Variants in CCR3 observed in about 807,000 individuals in gnomAD.
The protein encoded by CCR3 is C-C chemokine receptor type 3.
For synonymous variants in CCR3, 203 were observed against 179.2 expected, an observed-to-expected ratio of 1.13 and a Z score of -1.06; for missense variants, 419 against 437.5, an observed-to-expected ratio of 0.96 and a Z score of 0.38.
chr3:46,245,315 T>C (rs576983084), intron 1 of CCR3, among the ~76,000 whole-genome samples: 1 of 150,356 alleles, frequency 6.7e-6, no homozygotes, highest in South Asian at 2.1e-4. Context: ...CAGAAAGTTC[T>C]TCCCCATGTG....
At chr3:46,246,343 TG>T (rs1359554038) in intron 1 of CCR3, among the ~76,000 whole-genome samples, 3 of 152,124 alleles carry the variant, frequency 2.0e-5, no homozygotes, top group Non-Finnish European at 2.9e-5. Flanking sequence ...TTATTTCACC[TG>T]GGTGCAGGCG....
intron 2 of CCR3, among the ~76,000 whole-genome samples, chr3:46,231,771 TG>T (rs1699968741): frequency 1.3e-5 from 2 of 152,228 alleles, no homozygotes; most frequent in African/African-American, 4.8e-5. Context: ...CACAGCTTTT[TG>T]TATATTATAC....
intron 2 of CCR3, among the ~76,000 whole-genome samples, chr3:46,220,541 G>T (rs530733889): frequency 2.6e-5 from 4 of 152,150 alleles, no homozygotes; most frequent in African/African-American, 7.2e-5. Context: ...AATGAAAAAG[G>T]CACCTGCACA....
chr3:46,252,662 A>G (rs1191766772), intron 1 of CCR3, among the ~76,000 whole-genome samples: 3 of 152,182 alleles, frequency 2.0e-5, no homozygotes, highest in East Asian at 1.9e-4. Context: ...AGCAAGTTGA[A>G]TATCTAGATG....
At chr3:46,218,624 T>G (rs1037508400) in intron 2 of CCR3, among the ~76,000 whole-genome samples, 1 of 152,158 alleles carries the variant, frequency 6.6e-6, no homozygotes, top group Non-Finnish European at 1.5e-5. Context: ...AAAAAGGTAA[T>G]GCACCATAAT....
intron 1 of CCR3, chr3:46,264,412 T>C (rs1258917691): frequency 1.3e-6 from 2 of 1,534,146 alleles, no homozygotes; most frequent in East Asian, 2.5e-5. Context: ...TTATGCCATT[T>C]GGAATAAGAA....
At chr3:46,231,400 G>A (rs1699965079) in intron 2 of CCR3, among the ~76,000 whole-genome samples, 1 of 152,226 alleles carries the variant, frequency 6.6e-6, no homozygotes, top group African/African-American at 2.4e-5. Flanking sequence ...GAACAAAGCA[G>A]AGATTACATC....
At chr3:46,257,013 C>T (rs1700440571) in intron 1 of CCR3, among the ~76,000 whole-genome samples, 1 of 129,644 alleles carries the variant, frequency 7.7e-6, no homozygotes, top group Non-Finnish European at 1.6e-5. Flanking sequence ...CTTCAGGAGT[C>T]AAATTTGCAA....
At chr3:46,237,342 T>G (rs887075675) in intron 2 of CCR3, among the ~76,000 whole-genome samples, 2 of 152,238 alleles carry the variant, frequency 1.3e-5, no homozygotes, top group Admixed American at 1.3e-4. Flanking sequence ...TGGATATTAG[T>G]ACTTGGGTGA....
At chr3:46,231,690 A>G (rs1055227834) in intron 2 of CCR3, among the ~76,000 whole-genome samples, 1 of 152,206 alleles carries the variant, frequency 6.6e-6, no homozygotes, top group African/African-American at 2.4e-5. Flanking sequence ...TGTTTATGGT[A>G]TAGATTATGA....
chr3:46,239,743 G>A (rs1700060598), upstream of CCR3, among the ~76,000 whole-genome samples: 1 of 152,184 alleles, frequency 6.6e-6, no homozygotes, highest in South Asian at 2.1e-4. Context: ...GTAGTCCCAG[G>A]TGGAGCAGTT....
upstream of CCR3, among the ~76,000 whole-genome samples, chr3:46,237,894 C>G (rs1700040043): frequency 6.6e-6 from 1 of 152,150 alleles, no homozygotes; most frequent in South Asian, 2.1e-4. Flanking sequence ...TTTTCATAAT[C>G]CAGGTGCCTG....
At chr3:46,246,179 T>C (rs574464467) in intron 1 of CCR3, among the ~76,000 whole-genome samples, 1 of 152,314 alleles carries the variant, frequency 6.6e-6, no homozygotes, top group African/African-American at 2.4e-5. Context: ...CTCCATCCTT[T>C]CATACACTTA....
chr3:46,251,752 T>C (rs1700318063), intron 1 of CCR3, among the ~76,000 whole-genome samples: 1 of 151,698 alleles, frequency 6.6e-6, no homozygotes, highest in Non-Finnish European at 1.5e-5. Flanking sequence ...AGGATTTGGG[T>C]AGGTAAAGGA....
chr3:46,216,589 A>C (rs1699778317), intron 2 of CCR3, among the ~76,000 whole-genome samples: 1 of 152,170 alleles, frequency 6.6e-6, no homozygotes, highest in Admixed American at 6.5e-5. Flanking sequence ...AAGAGCTGTG[A>C]GGCGAAAACC....
At chr3:46,243,777 G>GA (rs1330402659) in intron 1 of CCR3, among the ~76,000 whole-genome samples, 1 of 151,960 alleles carries the variant, frequency 6.6e-6, no homozygotes, top group African/African-American at 2.4e-5. Context: ...GACTTAATAA[G>GA]AAAAAAGCAG....
At chr3:46,210,983 C>T (rs1699705068) in intron 2 of CCR3, 1 of 152,148 alleles carries the variant, frequency 6.6e-6, no homozygotes, top group Non-Finnish European at 1.5e-5. Context: ...CCTAGGCCCA[C>T]CCCCAGATAT....
chr3:46,253,122 G>A (rs1332636016), intron 1 of CCR3, among the ~76,000 whole-genome samples: 1 of 152,066 alleles, frequency 6.6e-6, no homozygotes, highest in Non-Finnish European at 1.5e-5. Context: ...CATGCAGCCA[G>A]GACTGAGAAA....
rs2125937642 is a variant in CCR3, at chr3:46,266,274, CA to C, written c.*51del. ...AAGAGGAAGGACCAAGGAGATGAAG[CA>C]AACACATTAAGCCTTCCACACTCAC... On this transcript the variant is annotated 3_prime_UTR_variant, in exon 2 of 2. Coordinates refer to ENST00000395940, the MANE Select transcript of CCR3 (RefSeq NM_178329.3). The C allele has an allele frequency of 8.1e-7, 1 of 1,239,904 alleles. No individual in the cohort carries two copies. Among genetic ancestry groups the C allele is most frequent in the Admixed American group, 1.9e-5 (1 of 51,442 alleles). 76.8% of individuals were successfully genotyped at this position (1,239,904 alleles called of 1,614,324 possible).
Sources: allele counts gnomAD v4.1 joint callset (sites outside exome capture counted in the v4.1 genomes callset), GRCh38; gene constraint gnomAD v4.1.1; transcripts MANE v1.5; gene names NCBI Gene and HGNC (gene_info 2026-07-23, HGNC 2026-07-21).